POU2F1: variants seen among roughly 807,000 people sequenced by gnomAD.
POU2F1 encodes POU domain, class 2, transcription factor 1.
A neutral mutation model predicts 84.9 loss-of-function variants in POU2F1; 16 were observed. That is an observed-to-expected ratio of 0.19 (90% CI 0.13 to 0.29). POU2F1 has a LOEUF of 0.29. Ranked by LOEUF, POU2F1 falls within the 10% of genes least tolerant of loss-of-function variation. The pLI is 1.00. For missense variants in POU2F1, 738 were observed against 942.6 expected, an observed-to-expected ratio of 0.78 and a Z score of 2.84; for synonymous variants, 368 against 368.3, an observed-to-expected ratio of 1.00 and a Z score of 0.01.
At chr1:167,293,196 T>C (rs1654044757) in intron 1 of POU2F1, among the ~76,000 whole-genome samples, 2 of 152,156 alleles carry the variant, frequency 1.3e-5, no homozygotes, top group East Asian at 1.9e-4. Context: ...AGCATCCAAA[T>C]TGGAAAAGAG....
chr1:167,228,226 T>C (rs910969694), intron 1 of POU2F1, among the ~76,000 whole-genome samples: 2 of 152,284 alleles, frequency 1.3e-5, no homozygotes, highest in South Asian at 2.1e-4. Flanking sequence ...AGGAAAGCTG[T>C]TGGAGGATTT....
At chr1:167,350,773 C>T (rs142548115) in intron 2 of POU2F1, among the ~76,000 whole-genome samples, 2,333 of 151,650 alleles carry the variant, frequency 0.015, 62 homozygotes, top group African/African-American at 0.054. Flanking sequence ...CTGAGGCGGG[C>T]AGATCACCTG....
intron 10 of POU2F1, among the ~76,000 whole-genome samples, chr1:167,397,667 T>TC (rs1389067198): frequency 6.6e-6 from 1 of 152,134 alleles, no homozygotes; most frequent in Admixed American, 6.5e-5. Flanking sequence ...TGCCTCAGCC[T>TC]CCCAAGTAAC....
chr1:167,416,111 CA>C lies in POU2F1; in HGVS notation c.*308del. On this transcript the variant is annotated 3_prime_UTR_variant, in exon 16 of 16. Transcript: ENST00000367866. ...TTAAAAAAAAAAAAAAAAAAAGAAA[CA>C]AAAAAATCAAAAACAAACAAAAATA... 5.0e-6 allele frequency: 2 copies of C among 401,950 alleles called. No individual in the cohort carries two copies. The highest frequency in any genetic ancestry group is 4.4e-6 in the Non-Finnish European group (1 of 226,748). 24.9% of individuals were successfully genotyped at this position (401,950 alleles called of 1,614,324 possible). A position where few individuals can be genotyped will look rare whatever the true frequency, so the allele number is the denominator to read the frequency against.
intron 1 of POU2F1, among the ~76,000 whole-genome samples, chr1:167,298,966 C>G: frequency 6.6e-6 from 1 of 151,940 alleles, no homozygotes; most frequent in East Asian, 1.9e-4. Context: ...GAGTTCGAGA[C>G]CAGCCTGACC....
intron 8 of POU2F1, chr1:167,387,366 G>A: frequency 2.6e-6 from 1 of 387,386 alleles, no homozygotes; most frequent in South Asian, 1.9e-5. Context: ...TTCGCTGTGA[G>A]AAATGTACAG....
At chr1:167,327,505 CT>C (rs1656786587) in intron 1 of POU2F1, among the ~76,000 whole-genome samples, 1 of 152,166 alleles carries the variant, frequency 6.6e-6, no homozygotes, top group African/African-American at 2.4e-5. Flanking sequence ...GCAAGGGAAT[CT>C]TTTTAAAGGC....
intron 7 of POU2F1, 82 bp from the exon 8 acceptor site, chr1:167,383,775 T>C: frequency 7.9e-7 from 1 of 1,269,996 alleles, no homozygotes; most frequent in South Asian, 1.3e-5. Context: ...AATTTTCAGC[T>C]CATTTTCTGA....
At chr1:167,277,323 C>T (rs1399807689) in intron 1 of POU2F1, among the ~76,000 whole-genome samples, 1 of 151,856 alleles carries the variant, frequency 6.6e-6, no homozygotes, top group African/African-American at 2.4e-5. Context: ...TGCAACCTCA[C>T]ACTCCTGGGC....
At chr1:167,384,166 T>C (rs1557945931) in intron 8 of POU2F1, among the ~76,000 whole-genome samples, 1 of 152,188 alleles carries the variant, frequency 6.6e-6, no homozygotes, top group African/African-American at 2.4e-5. Context: ...TCTTAAAGAA[T>C]AACTGCATTA....
At chr1:167,345,820 C>G (rs1053457403) in intron 2 of POU2F1, among the ~76,000 whole-genome samples, 2 of 151,992 alleles carry the variant, frequency 1.3e-5, no homozygotes, top group African/African-American at 4.8e-5. Context: ...TTTGAAAAGT[C>G]TCAACAGCTG....
chr1:167,378,457 A>T (rs1660480179), intron 7 of POU2F1, among the ~76,000 whole-genome samples: 1 of 140,868 alleles, frequency 7.1e-6, no homozygotes, highest in South Asian at 2.2e-4. Context: ...CCCAGGCTGG[A>T]GTGCAGCAGC....
intron 15 of POU2F1, chr1:167,414,578 T>C: frequency 1.0e-6 from 1 of 985,446 alleles, no homozygotes; most frequent in Non-Finnish European, 1.2e-6. Flanking sequence ...GTTGAGATAC[T>C]AAATGAGAGT....
At chr1:167,340,379 C>G (rs1233390881) in intron 2 of POU2F1, among the ~76,000 whole-genome samples, 2 of 151,726 alleles carry the variant, frequency 1.3e-5, no homozygotes, top group Non-Finnish European at 2.9e-5. Context: ...TGCACCCAGC[C>G]CAGAACCATT....
chr1:167,394,484 A>G (rs946865654), intron 9 of POU2F1, among the ~76,000 whole-genome samples: 5 of 152,234 alleles, frequency 3.3e-5, no homozygotes, highest in African/African-American at 1.2e-4. Flanking sequence ...AATGAAATCA[A>G]TAAACAGTCT....
intron 11 of POU2F1, among the ~76,000 whole-genome samples, 155 bp downstream of exon 11, chr1:167,398,288 G>C (rs948484561): frequency 6.6e-6 from 1 of 152,204 alleles, no homozygotes; most frequent in Non-Finnish European, 1.5e-5. Context: ...ACTAACATAG[G>C]AGACAGAACC....
At chr1:167,276,176 A>G (rs114520210) in intron 1 of POU2F1, among the ~76,000 whole-genome samples, 1 of 152,230 alleles carries the variant, frequency 6.6e-6, no homozygotes, top group Admixed American at 6.5e-5. Context: ...ATCTCACGGC[A>G]TCCCACTCTG....
chr1:167,399,180 C>T lies in POU2F1; in HGVS notation c.1270-6C>T, dbSNP rs1649020586. 1 of 1,596,536 alleles carries T rather than the reference C, an allele frequency of 6.3e-7. No homozygotes were observed. Among genetic ancestry groups the T allele is most frequent in the Non-Finnish European group, 8.5e-7 (1 of 1,170,594 alleles). ...GCTTTTGGAATTACATCTTTTCACCCTGCAGAATCAAAAGCCTACCTCGGA... is the reference window on the plus strand; with the variant it reads ...GCTTTTGGAATTACATCTTTTCACCTTGCAGAATCAAAAGCCTACCTCGGA... On this transcript the variant is annotated splice_region_variant and splice_polypyrimidine_tract_variant and intron_variant, in intron 11 of 15. Coordinates refer to ENST00000367866, the MANE Select transcript of POU2F1 (RefSeq NM_002697.4).
chr1:167,246,509 AT>A (rs1211414529), intron 1 of POU2F1, among the ~76,000 whole-genome samples: 1 of 152,168 alleles, frequency 6.6e-6, no homozygotes, highest in Non-Finnish European at 1.5e-5. Context: ...TTATTATAAA[AT>A]TTTTTAGTGA....
Sources: allele counts gnomAD v4.1 joint callset (sites outside exome capture counted in the v4.1 genomes callset), GRCh38; gene constraint gnomAD v4.1.1; transcripts MANE v1.5; gene names NCBI Gene and HGNC (gene_info 2026-07-23, HGNC 2026-07-21).